The following CPED1 variants were observed in gnomAD, a reference collection of about 807,000 sequenced individuals.
CPED1 encodes the protein cadherin like and PC-esterase domain containing 1, also known as cadherin-like and PC-esterase domain-containing protein 1.
Under a neutral mutation model 128.2 loss-of-function variants are expected in CPED1, and 114 were observed. The observed-to-expected ratio is 0.89, with a 90% CI of 0.76 to 1.04. The LOEUF (loss-of-function observed/expected upper bound fraction) is 1.04. Ranked by LOEUF, CPED1 falls within the 50% of genes least tolerant of loss-of-function variation. The probability of loss-of-function intolerance (pLI) is 0.00; values close to 1 mark genes in which losing one functional copy is unlikely to be tolerated. For synonymous variants in CPED1, 462 were observed against 426.7 expected (o/e 1.08, Z -1.02); for missense variants, 1,211 against 1,207.1 (o/e 1.00, Z -0.05).
intron 17 of CPED1, among the ~76,000 whole-genome samples, chr7:121,241,070 G>A (rs1176181582): frequency 3.8e-5 from 2 of 51,982 alleles, no homozygotes; most frequent in Admixed American, 2.9e-4. Context: ...CAGGCCGGGC[G>A]CGGTGGCTCA....
intron 16 of CPED1, among the ~76,000 whole-genome samples, chr7:121,236,201 CT>C (rs1228920645): frequency 6.6e-6 from 1 of 152,120 alleles, no homozygotes; most frequent in Non-Finnish European, 1.5e-5. Context: ...GCACATGCCT[CT>C]ATAATGATAT....
intron 7 of CPED1, among the ~76,000 whole-genome samples, chr7:121,116,555 G>A (rs1368897925): frequency 6.6e-6 from 1 of 152,118 alleles, no homozygotes; most frequent in African/African-American, 2.4e-5. Context: ...TGGGTGTAAA[G>A]GCATGTGCTT....
chr7:121,081,538 T>C (rs1040970145), intron 5 of CPED1, among the ~76,000 whole-genome samples: 2 of 152,164 alleles, frequency 1.3e-5, no homozygotes, highest in African/African-American at 2.4e-5. Context: ...TATGGAACTT[T>C]CTCTTTTCTT....
chr7:121,262,459 C>T (rs1260513485), intron 18 of CPED1, among the ~76,000 whole-genome samples: 1 of 152,030 alleles, frequency 6.6e-6, no homozygotes, highest in Non-Finnish European at 1.5e-5. Context: ...CCTGTATACT[C>T]TGTGGTAGCT....
At chr7:121,197,639 G>C (rs1225313626) in intron 16 of CPED1, among the ~76,000 whole-genome samples, 1 of 152,138 alleles carries the variant, frequency 6.6e-6, no homozygotes, top group Non-Finnish European at 1.5e-5. Context: ...TGTGTTGTGT[G>C]TGTGTGTTTG....
Position 121,195,859 on chromosome 7 carries a change from A to G in CPED1, c.2056-40855A>G, listed in dbSNP as rs140657049. Among the ~76,000 whole-genome samples, 1,057 of 152,228 alleles carry G rather than the reference A, an allele frequency of 6.9e-3. 13 individuals carry two copies. The highest frequency in any genetic ancestry group is 0.022 in the African/African-American group (927 of 41,556). On this transcript the variant is annotated intron_variant, in intron 16 of 22. Transcript: ENST00000310396. ...GTGTTTGGTGTGAATGTGTGTTCCT[A>G]TGAGTGTGCTGTAAATTGGCCTTGG... is the stretch of plus-strand genomic sequence containing the variant.
intron 3 of CPED1, among the ~76,000 whole-genome samples, chr7:121,036,754 C>T (rs773338365): frequency 1.2e-4 from 18 of 152,136 alleles, no homozygotes; most frequent in Admixed American, 9.8e-4. Context: ...ACAATTCCAC[C>T]AACAGTGTAA....
At chr7:121,245,822 C>G (rs569867795) in intron 18 of CPED1, among the ~76,000 whole-genome samples, 1 of 152,060 alleles carries the variant, frequency 6.6e-6, no homozygotes, top group Non-Finnish European at 1.5e-5. Context: ...TCCCGAGTAG[C>G]TGGGATTACA....
chr7:121,199,806 T>A (rs906652081), intron 16 of CPED1, among the ~76,000 whole-genome samples: 32 of 152,078 alleles, frequency 2.1e-4, no homozygotes, highest in Non-Finnish European at 2.9e-5. Context: ...ATACGTAATT[T>A]TAAATTTTCC....
intron 2 of CPED1, among the ~76,000 whole-genome samples, chr7:120,992,999 C>T (rs1357957460): frequency 6.6e-6 from 1 of 152,134 alleles, no homozygotes; most frequent in East Asian, 1.9e-4. Context: ...CTCTTTCTTG[C>T]CAAACTTTAA....
At position 121,124,536 on chromosome 7, in the gene CPED1, A is replaced by C. The variant is rs189964151; in HGVS notation, c.1061+63A>C. The C allele has an allele frequency of 7.4e-4, 922 of 1,251,534 alleles. 4 individuals carry two copies. In the African/African-American group the frequency reaches 0.012, roughly 16 times the overall value. 77.5% of individuals were successfully genotyped at this position (1,251,534 alleles called of 1,614,324 possible). ...AAAGAAAGCAACCTATCTTTTAAAA[A>C]TTGTTGGTGGAAATGTATCTTAATT... On this transcript the variant is annotated intron_variant, in intron 8 of 22. Transcript: ENST00000310396.
chr7:121,106,538 A>AG (rs1794979276), intron 7 of CPED1, among the ~76,000 whole-genome samples: 1 of 152,046 alleles, frequency 6.6e-6, no homozygotes, highest in South Asian at 2.1e-4. Flanking sequence ...AAATCAGGTG[A>AG]GGTAAGTTCA....
chr7:121,167,630 G>A (rs1796561036), intron 16 of CPED1, among the ~76,000 whole-genome samples: 1 of 151,836 alleles, frequency 6.6e-6, no homozygotes, highest in African/African-American at 2.4e-5. Flanking sequence ...TAACATATTT[G>A]AGATCTGATA....
At chr7:121,244,931 G>A (rs188807508) in intron 18 of CPED1, among the ~76,000 whole-genome samples, 191 of 152,316 alleles carry the variant, frequency 1.3e-3, no homozygotes, top group African/African-American at 4.5e-3. Flanking sequence ...TGCTAGGCAT[G>A]CTCTGACTAG....
In CPED1 at chr7:120,989,802, T is replaced by A. The variant is rs751634245; in HGVS notation, c.181T>A (p.Cys61Ser). The A allele has an allele frequency of 6.2e-7, 1 of 1,613,940 alleles. No homozygotes were observed. The highest frequency in any genetic ancestry group is 1.3e-5 in the African/African-American group (1 of 74,880). The change falls in exon 2 of 23, where the codon TGC becomes AGC. Residue 61 changes from cysteine to serine, a missense_variant. Coordinates refer to ENST00000310396, the MANE Select transcript of CPED1 (RefSeq NM_024913.5). ...HTSTETQASRCKKGFSQDKQC... is the reference protein window; with the variant it reads ...HTSTETQASRSKKGFSQDKQC... Reference sequence around the variant, plus strand: ...ATCCACTGAAACCCAGGCAAGCAGATGCAAGAAAGGATTCTCTCAGGACAA... The same window carrying A: ...ATCCACTGAAACCCAGGCAAGCAGAAGCAAGAAAGGATTCTCTCAGGACAA...
chr7:121,096,874 C>G (rs1400890923), intron 5 of CPED1, among the ~76,000 whole-genome samples: 5 of 151,844 alleles, frequency 3.3e-5, no homozygotes, highest in African/African-American at 1.2e-4. Flanking sequence ...AAAAAACAAA[C>G]AGAAATACCT....
At chr7:121,183,199 C>A (rs980932757) in intron 16 of CPED1, among the ~76,000 whole-genome samples, 1 of 152,144 alleles carries the variant, frequency 6.6e-6, no homozygotes, top group East Asian at 1.9e-4. Flanking sequence ...GGCTTTATCC[C>A]TGAAGATGTA....
At chr7:121,250,821 A>G (rs1176137845) in intron 18 of CPED1, among the ~76,000 whole-genome samples, 1 of 148,374 alleles carries the variant, frequency 6.7e-6, no homozygotes, top group Non-Finnish European at 1.5e-5. Context: ...TTGAGGCAAT[A>G]ATTAATAGCT....
chr7:121,283,081 C>T (rs1158040409), intron 22 of CPED1, among the ~76,000 whole-genome samples: 2 of 152,140 alleles, frequency 1.3e-5, no homozygotes, highest in African/African-American at 2.4e-5. Flanking sequence ...AAAACAAAAA[C>T]TCCTTTCTTC....
Sources: allele counts gnomAD v4.1 joint callset (sites outside exome capture counted in the v4.1 genomes callset), GRCh38; gene constraint gnomAD v4.1.1; transcripts MANE v1.5; gene names NCBI Gene and HGNC (gene_info 2026-07-23, HGNC 2026-07-21).